The following MAGI2 variants were observed in gnomAD, a reference collection of about 807,000 sequenced individuals.
The protein encoded by MAGI2 is membrane-associated guanylate kinase, WW and PDZ domain-containing protein 2.
Under a neutral mutation model 133.3 loss-of-function variants are expected in MAGI2, and 35 were observed. The ratio of observed to expected loss-of-function variants is 0.26; its 90% confidence interval spans 0.20 to 0.35. The LOEUF (loss-of-function observed/expected upper bound fraction) is 0.35, where lower values mean the gene tolerates loss of function less well. Ranked by LOEUF, MAGI2 falls within the 10% of genes least tolerant of loss-of-function variation. MAGI2 has a pLI of 1.00. For missense variants in MAGI2, 1,636 were observed against 1,863.4 expected (o/e 0.88, Z 2.25); for synonymous variants, 729 against 710.6 (o/e 1.03, Z -0.41).
At chr7:78,041,578 G>C (rs1011996085) in intron 21 of MAGI2, among the ~76,000 whole-genome samples, 3 of 152,196 alleles carry the variant, frequency 2.0e-5, no homozygotes, top group Non-Finnish European at 4.4e-5. Context: ...GGGAGAATGA[G>C]GTGGGAGGAT....
chr7:79,240,358 GAAA>G (rs762841388), intron 1 of MAGI2, among the ~76,000 whole-genome samples: 2 of 88,408 alleles, frequency 2.3e-5, no homozygotes, highest in Admixed American at 2.5e-4. Context: ...TTATCAGAAT[GAAA>G]AAAAAAAAAA....
intron 2 of MAGI2, among the ~76,000 whole-genome samples, chr7:78,947,228 T>C (rs548236693): frequency 2.6e-5 from 4 of 152,168 alleles, no homozygotes; most frequent in Non-Finnish European, 5.9e-5. Context: ...ACAGGTACCA[T>C]GGGTAAAAAC....
At chr7:79,073,716 C>T (rs902636539) in intron 1 of MAGI2, among the ~76,000 whole-genome samples, 9 of 151,706 alleles carry the variant, frequency 5.9e-5, no homozygotes, top group Non-Finnish European at 1.2e-4. Context: ...TGTGTCTAGG[C>T]GGATAAAGAC....
chr7:79,057,949 G>A (rs1333853264), intron 1 of MAGI2, among the ~76,000 whole-genome samples: 1 of 140,136 alleles, frequency 7.1e-6, no homozygotes, highest in Non-Finnish European at 1.5e-5. Flanking sequence ...GCCCAGAAAG[G>A]GGCTCTATTA....
intron 2 of MAGI2, among the ~76,000 whole-genome samples, chr7:78,717,795 T>C (rs1392682098): frequency 1.3e-5 from 2 of 152,134 alleles, no homozygotes; most frequent in Non-Finnish European, 2.9e-5. Flanking sequence ...AGCACAGAGC[T>C]TGTAGGTAGT....
At chr7:79,286,750 C>A (rs560158821) in intron 1 of MAGI2, among the ~76,000 whole-genome samples, 2 of 152,124 alleles carry the variant, frequency 1.3e-5, no homozygotes, top group South Asian at 4.1e-4. Context: ...AGTTTGGATG[C>A]AGATCAGTCC....
intron 1 of MAGI2, among the ~76,000 whole-genome samples, chr7:79,379,084 A>G (rs888019297): frequency 2.0e-5 from 3 of 148,936 alleles, no homozygotes; most frequent in African/African-American, 7.5e-5. Context: ...TACATTAGGT[A>G]TATCTCATAA....
intron 2 of MAGI2, among the ~76,000 whole-genome samples, chr7:78,945,655 T>C (rs1264627338): frequency 6.6e-6 from 1 of 152,196 alleles, no homozygotes; most frequent in Non-Finnish European, 1.5e-5. Context: ...GATCTAACTC[T>C]AGCAATTTTT....
At chr7:78,828,344 G>C (rs1790849031) in intron 2 of MAGI2, among the ~76,000 whole-genome samples, 1 of 152,216 alleles carries the variant, frequency 6.6e-6, no homozygotes, top group South Asian at 2.1e-4. Context: ...CATGTTGATA[G>C]CATGTCTTTT....
intron 2 of MAGI2, among the ~76,000 whole-genome samples, chr7:78,788,475 T>C (rs1827010892): frequency 6.6e-6 from 1 of 152,182 alleles, no homozygotes; most frequent in Non-Finnish European, 1.5e-5. Flanking sequence ...CAGATGTAGA[T>C]AATTTCACAA....
chr7:78,328,198 G>A (rs2151141661), intron 9 of MAGI2, among the ~76,000 whole-genome samples: 1 of 151,622 alleles, frequency 6.6e-6, no homozygotes, highest in East Asian at 1.9e-4. Flanking sequence ...TTTTCCAAAG[G>A]AAAAATGACC....
At chr7:78,252,139 TA>T (rs59245045) in intron 10 of MAGI2, 109,100 of 122,138 alleles carry the variant, frequency 0.89, 48,758 homozygotes, top group Non-Finnish European at 0.91. Context: ...CCCTGTCTAT[TA>T]AAAAAAAAAA....
intron 17 of MAGI2, chr7:78,133,990 T>A (rs1011886427): frequency 6.6e-6 from 1 of 152,208 alleles, no homozygotes; most frequent in Non-Finnish European, 1.5e-5. Flanking sequence ...CTCAGCACTG[T>A]TGGCATTTTG....
At chr7:78,044,814 G>C (rs1231758146) in intron 21 of MAGI2, among the ~76,000 whole-genome samples, 1 of 152,070 alleles carries the variant, frequency 6.6e-6, no homozygotes, top group Non-Finnish European at 1.5e-5. Flanking sequence ...TGGGAATAAA[G>C]GCCAAATGTG....
intron 6 of MAGI2, among the ~76,000 whole-genome samples, chr7:78,428,384 A>G: frequency 6.6e-6 from 1 of 152,212 alleles, no homozygotes; most frequent in East Asian, 1.9e-4. Flanking sequence ...TATCTTGAAA[A>G]TAAGAATCCT....
At chr7:78,110,055 C>T (rs1328752638) in intron 20 of MAGI2, among the ~76,000 whole-genome samples, 1 of 152,156 alleles carries the variant, frequency 6.6e-6, no homozygotes, top group Non-Finnish European at 1.5e-5. Context: ...GAGCTTGCCC[C>T]CAATTCCCTG....
chr7:78,413,683 AAAG>A (rs1245264408), intron 6 of MAGI2, among the ~76,000 whole-genome samples: 4 of 151,998 alleles, frequency 2.6e-5, no homozygotes, highest in East Asian at 1.9e-4. Context: ...GGGAGAAGAA[AAAG>A]AAGATGAGAG....
intron 6 of MAGI2, among the ~76,000 whole-genome samples, chr7:78,434,634 C>A (rs1168807591): frequency 6.6e-6 from 1 of 152,008 alleles, no homozygotes; most frequent in African/African-American, 2.4e-5. Flanking sequence ...ATCCTTTTAC[C>A]CTCACATAAA....
chr7:79,335,490 T>C (rs1840376918), intron 1 of MAGI2, among the ~76,000 whole-genome samples: 1 of 152,022 alleles, frequency 6.6e-6, no homozygotes, highest in Admixed American at 6.6e-5. Context: ...GCAAGATATA[T>C]GCAGTAATGT....
Sources: allele counts gnomAD v4.1 joint callset (sites outside exome capture counted in the v4.1 genomes callset), GRCh38; gene constraint gnomAD v4.1.1; transcripts MANE v1.5; gene names NCBI Gene and HGNC (gene_info 2026-07-23, HGNC 2026-07-21).